Variants in SLCO1B1 observed in about 807,000 individuals in gnomAD.
SLCO1B1 encodes the protein solute carrier organic anion transporter family member 1B1.
A neutral mutation model predicts 70.1 loss-of-function variants in SLCO1B1; 81 were observed. The observed-to-expected ratio is 1.16, with a 90% CI of 0.97 to 1.39. The LOEUF is 1.39. Ranked by LOEUF, SLCO1B1 falls within the 40% of genes most tolerant of loss-of-function variation. The pLI is 0.00. For missense variants in SLCO1B1, 895 were observed against 799.6 expected, an observed-to-expected ratio of 1.12 and a Z score of -1.44; for synonymous variants, 283 against 271.5, an observed-to-expected ratio of 1.04 and a Z score of -0.42.
chr12:21,162,449 A>G (rs935429667), intron 2 of SLCO1B1, among the ~76,000 whole-genome samples: 1 of 152,172 alleles, frequency 6.6e-6, no homozygotes. Context: ...TCCATTCCAC[A>G]TGATACATTT....
At chr12:21,138,213 C>A (rs1033001928) in intron 1 of SLCO1B1, among the ~76,000 whole-genome samples, 1 of 152,026 alleles carries the variant, frequency 6.6e-6, no homozygotes, top group African/African-American at 2.4e-5. Context: ...TTGCCTAAAC[C>A]GGTTTTCTAT....
intron 2 of SLCO1B1, among the ~76,000 whole-genome samples, chr12:21,151,090 T>C (rs1280655980): frequency 6.6e-6 from 1 of 152,194 alleles, no homozygotes; most frequent in African/African-American, 2.4e-5. Context: ...AAGCTTATGG[T>C]ATAGGCTATT....
At chr12:21,212,059 T>C (rs1358115367) in intron 11 of SLCO1B1, among the ~76,000 whole-genome samples, 1 of 148,252 alleles carries the variant, frequency 6.7e-6, no homozygotes, top group Non-Finnish European at 1.5e-5. Flanking sequence ...GTGTCTCTAT[T>C]TCCTTCAGTT....
chr12:21,198,104 C>G (rs1941115015), intron 8 of SLCO1B1, among the ~76,000 whole-genome samples: 1 of 152,052 alleles, frequency 6.6e-6, no homozygotes, highest in South Asian at 2.1e-4. Context: ...TCCAGTGTAG[C>G]CTAGGTTCTT....
intron 1 of SLCO1B1, among the ~76,000 whole-genome samples, chr12:21,137,315 A>G (rs1330929169): frequency 1.3e-5 from 2 of 152,146 alleles, no homozygotes; most frequent in African/African-American, 4.8e-5. Flanking sequence ...CTGTTCTCAG[A>G]TCTCAAGCTG....
chr12:21,200,687 T>G lies in SLCO1B1; in HGVS notation c.1135+15T>G. The G allele has an allele frequency of 6.2e-7, 1 of 1,607,628 alleles. No individual in the cohort carries two copies. Among genetic ancestry groups the G allele is most frequent in the African/African-American group, 1.3e-5 (1 of 74,898 alleles). ...CATCTTATTGGGTAAGACATATTTT[T>G]TACTTGTGTGCTTAATAAGTGAAAT... On this transcript the variant is annotated intron_variant, in intron 9 of 14. Transcript: ENST00000256958.
chr12:21,182,447 G>C (rs1463565), intron 7 of SLCO1B1, among the ~76,000 whole-genome samples: 53,539 of 152,046 alleles, frequency 0.35, 11,115 homozygotes, highest in South Asian at 0.56. Flanking sequence ...CCACCAAGTA[G>C]CTCTCAACTC....
At chr12:21,216,352 T>C (rs950148067) in intron 11 of SLCO1B1, among the ~76,000 whole-genome samples, 3 of 152,168 alleles carry the variant, frequency 2.0e-5, no homozygotes, top group African/African-American at 7.2e-5. Context: ...CAATTCTTCC[T>C]TCAATAATTG....
chr12:21,168,266 A>G (rs1940714880), intron 2 of SLCO1B1, among the ~76,000 whole-genome samples: 1 of 152,134 alleles, frequency 6.6e-6, no homozygotes, highest in African/African-American at 2.4e-5. Flanking sequence ...ATAATATTCC[A>G]TTGTGTATGT....
intron 11 of SLCO1B1, among the ~76,000 whole-genome samples, chr12:21,210,973 G>A (rs924198083): frequency 6.6e-6 from 1 of 151,956 alleles, no homozygotes; most frequent in African/African-American, 2.4e-5. Context: ...GAGACAATGG[G>A]GTTTTCTAGA....
At chr12:21,161,435 C>T (rs528977479) in intron 2 of SLCO1B1, among the ~76,000 whole-genome samples, 1 of 152,058 alleles carries the variant, frequency 6.6e-6, no homozygotes, top group Admixed American at 6.5e-5. Context: ...TTCATGTTCT[C>T]ACTTATAAGT....
chr12:21,213,119 G>T (rs2121170876), intron 11 of SLCO1B1, among the ~76,000 whole-genome samples: 1 of 151,720 alleles, frequency 6.6e-6, no homozygotes, highest in African/African-American at 2.4e-5. Context: ...GATGTTAGCT[G>T]GTTATTTTGC....
At chr12:21,220,139 A>T (rs1941405507) in intron 12 of SLCO1B1, among the ~76,000 whole-genome samples, 1 of 152,206 alleles carries the variant, frequency 6.6e-6, no homozygotes, top group Non-Finnish European at 1.5e-5. Context: ...TAATTTAAGG[A>T]TAATCCCAAA....
At chr12:21,205,311 C>T (rs951793629) in intron 10 of SLCO1B1, among the ~76,000 whole-genome samples, 2 of 151,802 alleles carry the variant, frequency 1.3e-5, no homozygotes, top group Non-Finnish European at 2.9e-5. Flanking sequence ...CAAAAATATA[C>T]TGAGCTTTTC....
chr12:21,172,140 CAAAT>C (rs1403605974), intron 2 of SLCO1B1, among the ~76,000 whole-genome samples: 1 of 152,178 alleles, frequency 6.6e-6, no homozygotes, highest in Non-Finnish European at 1.5e-5. Context: ...ATGAAATTGA[CAAAT>C]AAAACATCTA....
rs1565442027 is a variant in SLCO1B1 at position 21,217,246 on chromosome 12, T to A, written c.1625T>A (p.Val542Asp). Residue 542 changes from valine (V) to aspartate (D), a missense_variant, in exon 12 of 15, where the codon GTC becomes GAC. Physicochemically the swap from Val to Asp is radical, Grantham distance 152. Coordinates refer to ENST00000256958, the MANE Select transcript of SLCO1B1 (RefSeq NM_006446.5). ...TTTTACTTTTTTGTTGCAATACAAG[T>A]CTTGAATTTATTTTTCTCTGCACTT... ...RKFYFFVAIQ[V>D]LNLFFSALGG... 2.5e-6 allele frequency: 4 copies of A among 1,613,628 alleles called. No individual in the cohort carries two copies. The South Asian group carries it at 4.4e-5, about 18-fold the overall frequency.
intron 5 of SLCO1B1, among the ~76,000 whole-genome samples, chr12:21,178,339 A>G (rs975778772): frequency 1.3e-5 from 2 of 152,132 alleles, no homozygotes; most frequent in African/African-American, 2.4e-5. Flanking sequence ...ATGAGGAACT[A>G]TGAGTCCATT....
chr12:21,226,503 A>C (rs1941483807), intron 14 of SLCO1B1, among the ~76,000 whole-genome samples: 1 of 152,154 alleles, frequency 6.6e-6, no homozygotes, highest in African/African-American at 2.4e-5. Context: ...AAAGGGCCAA[A>C]CTATGAAGAC....
Position 21,166,354 on chromosome 12 carries a change from T to G in SLCO1B1, c.85-6296T>G, listed in dbSNP as rs758724033. 4.6e-5 allele frequency among the ~76,000 whole-genome samples: 7 copies of G among 152,132 alleles called. No homozygotes were observed. In the East Asian group the frequency reaches 1.3e-3, roughly 29 times the overall value. Reference sequence around the variant, plus strand: ...TTCCTTAATAAGATTAACAACTGATTTCTCATCAGAGACCAGAAGACATTG... The same window carrying G: ...TTCCTTAATAAGATTAACAACTGATGTCTCATCAGAGACCAGAAGACATTG... On this transcript the variant is annotated intron_variant, in intron 2 of 14. Coordinates refer to ENST00000256958, the MANE Select transcript of SLCO1B1 (RefSeq NM_006446.5).
Sources: gnomAD v4.1 joint callset for allele counts (sites outside exome capture counted in the v4.1 genomes callset) on GRCh38, gnomAD v4.1.1 for gene constraint, MANE v1.5 for transcripts, NCBI Gene and HGNC (gene_info 2026-07-23, HGNC 2026-07-21) for gene names.